Variants in RAPGEF2 observed in about 807,000 individuals in gnomAD.
RAPGEF2 encodes the protein PDZ domain containing guanine nucleotide exchange factor (GEF) 1.
Under a neutral mutation model 186.7 loss-of-function variants are expected in RAPGEF2, and 54 were observed. That is an observed-to-expected ratio of 0.29 (90% CI 0.23 to 0.36). RAPGEF2 has a LOEUF of 0.36. Among genes scored for constraint, RAPGEF2 ranks in the 10% least tolerant of loss-of-function variants. The pLI, the probability that RAPGEF2 is intolerant of heterozygous loss-of-function variation, is 1.00. For missense variants in RAPGEF2, 1,532 were observed against 2,045.0 expected, an observed-to-expected ratio of 0.75 and a Z score of 4.84; for synonymous variants, 712 against 705.9, an observed-to-expected ratio of 1.01 and a Z score of -0.14.
intron 1 of RAPGEF2, among the ~76,000 whole-genome samples, chr4:159,145,012 C>A (rs766363999): frequency 1.3e-5 from 2 of 150,586 alleles, no homozygotes; most frequent in African/African-American, 2.4e-5. Context: ...CCTCAGCCTC[C>A]CAAGAAGCTG....
intron 1 of RAPGEF2, among the ~76,000 whole-genome samples, chr4:159,147,268 A>G (rs1369114644): frequency 1.3e-5 from 2 of 152,278 alleles, no homozygotes; most frequent in African/African-American, 4.8e-5. Flanking sequence ...TGTTAATATA[A>G]TGAATAAAGG....
At chr4:159,268,266 G>A (rs1239662783) in intron 7 of RAPGEF2, 1 of 1,399,288 alleles carries the variant, frequency 7.1e-7, no homozygotes, top group East Asian at 2.3e-5. Flanking sequence ...ATAGAGAACT[G>A]CTTTAAAATG....
intron 7 of RAPGEF2, among the ~76,000 whole-genome samples, chr4:159,298,633 G>T (rs962402814): frequency 6.6e-6 from 1 of 152,200 alleles, no homozygotes; most frequent in South Asian, 2.1e-4. Flanking sequence ...GTATGTGCAT[G>T]CCTAGAGAAA....
intron 1 of RAPGEF2, among the ~76,000 whole-genome samples, chr4:159,133,712 T>A (rs969755583): frequency 1.1e-4 from 17 of 152,106 alleles, no homozygotes; most frequent in Non-Finnish European, 7.4e-5. Context: ...GCCTCCCGAG[T>A]AGCTGGGACT....
intron 11 of RAPGEF2, chr4:159,326,817 T>G (rs1367419384): frequency 6.6e-6 from 1 of 152,296 alleles, no homozygotes; most frequent in Non-Finnish European, 1.5e-5. Flanking sequence ...CTCCCTTTAT[T>G]CTTTTCCCTT....
chr4:159,181,515 A>G (rs1056438662), intron 1 of RAPGEF2, among the ~76,000 whole-genome samples: 57 of 152,114 alleles, frequency 3.7e-4, no homozygotes, highest in African/African-American at 1.3e-3. Context: ...AAACAATGTA[A>G]GACTTTAATA....
chr4:159,178,152 AC>A (rs1294414158), intron 1 of RAPGEF2, among the ~76,000 whole-genome samples: 1 of 152,204 alleles, frequency 6.6e-6, no homozygotes, highest in Non-Finnish European at 1.5e-5. Context: ...CATATATGAA[AC>A]AAAACCCCTT....
intron 1 of RAPGEF2, among the ~76,000 whole-genome samples, chr4:159,170,742 G>A (rs1248159488): frequency 6.6e-6 from 1 of 152,006 alleles, no homozygotes; most frequent in African/African-American, 2.4e-5. Flanking sequence ...TGATTTTGTT[G>A]CCTTTACTTT....
rs1748089909 is a variant in RAPGEF2 at position 159,191,254 on chromosome 4, A to G, written c.141-1946A>G. Among the ~76,000 whole-genome samples the G allele has an allele frequency of 2.0e-5, 3 of 152,198 alleles. No individual in the cohort carries two copies. The South Asian group carries it at 6.2e-4, about 31-fold the overall frequency. ...GCTGGAAAAGCAGAAGACCAAGGAC[A>G]GGTTGCTGAAAGGAAATAATGCTGT... On this transcript the variant is annotated intron_variant, in intron 2 of 29. Coordinates refer to ENST00000691494, the MANE Select transcript of RAPGEF2 (RefSeq NM_001394067.2).
At chr4:159,290,856 A>G (rs953137502) in intron 7 of RAPGEF2, among the ~76,000 whole-genome samples, 1 of 152,204 alleles carries the variant, frequency 6.6e-6, no homozygotes, top group African/African-American at 2.4e-5. Context: ...ATGCACCACA[A>G]ATGTTCAGTC....
chr4:159,259,103 ACATGTT>A (rs1419106352), intron 7 of RAPGEF2, among the ~76,000 whole-genome samples: 2 of 152,352 alleles, frequency 1.3e-5, no homozygotes, highest in Admixed American at 6.5e-5. Context: ...AGGTTAAGTA[ACATGTT>A]CAATATTCAT....
intron 4 of RAPGEF2, among the ~76,000 whole-genome samples, chr4:159,211,075 C>G (rs1163346397): frequency 6.6e-6 from 1 of 152,234 alleles, no homozygotes; most frequent in African/African-American, 2.4e-5. Context: ...GCTACCTGCT[C>G]TGTAAGGCTG....
At chr4:159,302,204 C>A (rs1361517831) in intron 7 of RAPGEF2, among the ~76,000 whole-genome samples, 2 of 152,144 alleles carry the variant, frequency 1.3e-5, no homozygotes, top group Non-Finnish European at 2.9e-5. Flanking sequence ...GCTCTTACAA[C>A]TCCTAGTGCT....
chr4:159,295,776 T>C (rs999147908), intron 7 of RAPGEF2, among the ~76,000 whole-genome samples: 1 of 142,736 alleles, frequency 7.0e-6, no homozygotes, highest in Admixed American at 6.9e-5. Context: ...CGCGCGCGCA[T>C]GCACATAATG....
chr4:159,196,923 G>A (rs1302355334), intron 3 of RAPGEF2, among the ~76,000 whole-genome samples: 1 of 152,162 alleles, frequency 6.6e-6, no homozygotes, highest in Non-Finnish European at 1.5e-5. Flanking sequence ...ATTTAGAGTT[G>A]CCCATTTGGA....
At chr4:159,117,826 ATACCAAG>A (rs1269117603) in intron 1 of RAPGEF2, among the ~76,000 whole-genome samples, 1 of 152,178 alleles carries the variant, frequency 6.6e-6, no homozygotes, top group African/African-American at 2.4e-5. Flanking sequence ...CCTATTTACT[ATACCAAG>A]TAAGCATGTT....
intron 7 of RAPGEF2, among the ~76,000 whole-genome samples, chr4:159,299,507 GA>G (rs1241917808): frequency 2.0e-5 from 3 of 151,788 alleles, no homozygotes; most frequent in Non-Finnish European, 2.9e-5. Flanking sequence ...AAAACTTGGG[GA>G]TCTGGTACCA....
intron 7 of RAPGEF2, chr4:159,267,811 C>G: frequency 1.1e-6 from 1 of 947,594 alleles, no homozygotes; most frequent in Non-Finnish European, 1.2e-6. Context: ...TTTTTTTCCT[C>G]TCCTTTTCTT....
At position 159,259,064 on chromosome 4, in the gene RAPGEF2, G is replaced by A. The variant is rs148114014; in HGVS notation, c.543+15273G>A. 2.4e-3 allele frequency among the ~76,000 whole-genome samples: 370 copies of A among 152,200 alleles called. 1 individual carries two copies. The highest frequency in any genetic ancestry group is 0.02 in the South Asian group (97 of 4,806). ...CTAGCCCACAGTTCAGTATTTCCCCGTCAGTAGATAAGCATGCACTGGCCA... is the reference window on the plus strand; with the variant it reads ...CTAGCCCACAGTTCAGTATTTCCCCATCAGTAGATAAGCATGCACTGGCCA... On this transcript the variant is annotated intron_variant, in intron 7 of 29. Coordinates refer to ENST00000691494, the MANE Select transcript of RAPGEF2 (RefSeq NM_001394067.2).
Sources: gnomAD v4.1 joint callset for allele counts (sites outside exome capture counted in the v4.1 genomes callset) on GRCh38, gnomAD v4.1.1 for gene constraint, MANE v1.5 for transcripts, NCBI Gene and HGNC (gene_info 2026-07-23, HGNC 2026-07-21) for gene names.